The following HS3ST3B1 variants were observed in gnomAD, a reference collection of about 807,000 sequenced individuals.
The protein encoded by HS3ST3B1 is heparan sulfate-glucosamine 3-sulfotransferase 3B1.
In HS3ST3B1, 13 loss-of-function variants were observed where a neutral mutation model predicts 21.3. The ratio of observed to expected loss-of-function variants is 0.61; its 90% CI spans 0.40 to 0.97. HS3ST3B1 has a LOEUF of 0.97. Among genes scored for constraint, HS3ST3B1 ranks in the 50% least tolerant of loss-of-function variants. The probability of loss-of-function intolerance (pLI) is 0.00; values close to 1 mark genes in which losing one functional copy is unlikely to be tolerated. For synonymous variants in HS3ST3B1, 234 were observed against 254.8 expected, an observed-to-expected ratio of 0.92 and a Z score of 0.78; for missense variants, 459 against 554.8, an observed-to-expected ratio of 0.83 and a Z score of 1.73.
At chr17:14,339,837 G>T (rs914702135) in intron 1 of HS3ST3B1, among the ~76,000 whole-genome samples, 1 of 152,174 alleles carries the variant, frequency 6.6e-6, no homozygotes, top group Non-Finnish European at 1.5e-5. Context: ...TCCATGTGAG[G>T]GGGTCTTACC....
chr17:14,337,332 A>ATTTTTTTT (rs35942275), intron 1 of HS3ST3B1, among the ~76,000 whole-genome samples: 1 of 143,434 alleles, frequency 7.0e-6, no homozygotes, highest in Non-Finnish European at 1.5e-5. Flanking sequence ...TCCTGATTGG[A>ATTTTTTTT]TTTTTTTTTT....
intron 1 of HS3ST3B1, among the ~76,000 whole-genome samples, chr17:14,314,989 T>C (rs1310200303): frequency 6.6e-6 from 1 of 152,228 alleles, no homozygotes; most frequent in Non-Finnish European, 1.5e-5. Context: ...GAGGTCTGCT[T>C]AGCTGGCTGC....
Position 14,346,247 on chromosome 17 carries a change from CTTTTTT to C in HS3ST3B1, c.*618_*623del, listed in dbSNP as rs71352467. The C allele has an allele frequency of 0.057, 5,119 of 90,328 alleles. 116 individuals are homozygous for C. Among genetic ancestry groups the C allele is most frequent in the East Asian group, 0.15 (436 of 2,986 alleles). 5.6% of individuals were successfully genotyped at this position (90,328 alleles called of 1,614,324 possible). On this transcript the variant is annotated 3_prime_UTR_variant, in exon 2 of 2. Coordinates refer to ENST00000360954, the MANE Select transcript of HS3ST3B1 (RefSeq NM_006041.3). The stretch of plus-strand genomic sequence containing the variant: ...AGGGACATCCACATCCTTTTTTTTT[CTTTTTT>C]TTTTTTTTTTTTTTTTGAGATGGAG...
At chr17:14,343,389 A>G (rs1186719796) in intron 1 of HS3ST3B1, among the ~76,000 whole-genome samples, 1 of 152,190 alleles carries the variant, frequency 6.6e-6, no homozygotes, top group Non-Finnish European at 1.5e-5. Context: ...ATTATTATTA[A>G]CTGTGGTCAC....
chr17:14,311,332 A>G (rs1470840806), intron 1 of HS3ST3B1, among the ~76,000 whole-genome samples: 1 of 151,710 alleles, frequency 6.6e-6, no homozygotes. Flanking sequence ...GTCCTCCTCA[A>G]CCTCCCAAAG....
At position 14,346,667 on chromosome 17, in the gene HS3ST3B1, A is replaced by G. The variant is rs1043692449; in HGVS notation, c.*1021A>G. 14 of 152,194 alleles carry G rather than the reference A, an allele frequency of 9.2e-5. No individual in the cohort carries two copies. Among genetic ancestry groups the G allele is most frequent in the African/African-American group, 3.1e-4 (13 of 41,430 alleles). 9.4% of individuals were successfully genotyped at this position (152,194 alleles called of 1,614,324 possible). ...TGGTTCATTAACCAGTTTGAAGTGT[A>G]TGTAGATTGTTGCCCCGTCTTTCCC... On this transcript the variant is annotated 3_prime_UTR_variant, in exon 2 of 2. Transcript: ENST00000360954.
chr17:14,312,618 T>C (rs1909341353), intron 1 of HS3ST3B1, among the ~76,000 whole-genome samples: 1 of 152,128 alleles, frequency 6.6e-6, no homozygotes, highest in Non-Finnish European at 1.5e-5. Flanking sequence ...GCCATCCCTG[T>C]AGCCCTTGCC....
chr17:14,337,332 A>ATTTTTTT (rs35942275), intron 1 of HS3ST3B1, among the ~76,000 whole-genome samples: 1 of 143,434 alleles, frequency 7.0e-6, no homozygotes, highest in African/African-American at 2.6e-5. Flanking sequence ...TCCTGATTGG[A>ATTTTTTT]TTTTTTTTTT....
At chr17:14,309,052 G>C (rs1213876755) in intron 1 of HS3ST3B1, among the ~76,000 whole-genome samples, 1 of 152,356 alleles carries the variant, frequency 6.6e-6, no homozygotes, top group Admixed American at 6.5e-5. Context: ...GTCTGCGGAC[G>C]GAAGTGTCCA....
intron 1 of HS3ST3B1, among the ~76,000 whole-genome samples, chr17:14,342,534 A>G (rs1910420939): frequency 1.3e-5 from 2 of 152,192 alleles, no homozygotes; most frequent in African/African-American, 4.8e-5. Flanking sequence ...GTATTGAGCA[A>G]CTTAATAATG....
intron 1 of HS3ST3B1, among the ~76,000 whole-genome samples, chr17:14,308,158 A>C (rs938972133): frequency 7.2e-5 from 11 of 152,148 alleles, no homozygotes; most frequent in African/African-American, 2.7e-4. Context: ...ATCAAATAAA[A>C]CTGATGTTCG....
chr17:14,317,086 G>T (rs1909524230), intron 1 of HS3ST3B1, among the ~76,000 whole-genome samples: 1 of 152,350 alleles, frequency 6.6e-6, no homozygotes, highest in Admixed American at 6.5e-5. Context: ...TGGGTGAATA[G>T]TTTCACACCA....
intron 1 of HS3ST3B1, among the ~76,000 whole-genome samples, chr17:14,309,250 T>C (rs965997220): frequency 6.6e-6 from 1 of 152,190 alleles, no homozygotes; most frequent in African/African-American, 2.4e-5. Flanking sequence ...GATCGCCGCC[T>C]CTGGCCCGGG....
At chr17:14,330,584 T>TGTGTGTGTGTGTG (rs1555549603) in intron 1 of HS3ST3B1, among the ~76,000 whole-genome samples, 2 of 151,114 alleles carry the variant, frequency 1.3e-5, no homozygotes, top group African/African-American at 4.9e-5. Flanking sequence ...TGTGTGTGTG[T>TGTGTGTGTGTGTG]TGCTTGCGGG....
chr17:14,307,208 T>G (rs1909163650), intron 1 of HS3ST3B1, among the ~76,000 whole-genome samples: 1 of 152,162 alleles, frequency 6.6e-6, no homozygotes, highest in Non-Finnish European at 1.5e-5. Context: ...TTAAAAATAT[T>G]TATCAAAATA....
rs200811372 is a variant in HS3ST3B1 at position 14,301,846 on chromosome 17, A to G, written c.328A>G (p.Ser110Gly). The change falls in exon 1 of 2, where the codon AGC (serine) becomes GGC (glycine). Residue 110 changes from serine to glycine, a missense_variant. Ser to Gly is a moderately conservative substitution (Grantham distance 56). This residue lies in a region of HS3ST3B1 where 317 missense variants were observed against 278.6 expected (regional missense o/e 1.14). Coordinates refer to ENST00000360954, the MANE Select transcript of HS3ST3B1 (RefSeq NM_006041.3). ...CAAGGAGATGGCCGAGGGCGCTGCGAGCCCGGAGGAGCAGAGTCCCGAGGT... is the reference window on the plus strand; with the variant it reads ...CAAGGAGATGGCCGAGGGCGCTGCGGGCCCGGAGGAGCAGAGTCCCGAGGT... ...SGKEMAEGAASPEEQSPEVPD... is the reference protein window; with the variant it reads ...SGKEMAEGAAGPEEQSPEVPD... 5.8e-5 allele frequency: 93 copies of G among 1,591,134 alleles called. No homozygotes were observed. In the African/African-American group the frequency reaches 1.2e-3, roughly 20 times the overall value.
intron 1 of HS3ST3B1, among the ~76,000 whole-genome samples, chr17:14,314,995 G>A (rs954673720): frequency 3.3e-5 from 5 of 152,298 alleles, no homozygotes; most frequent in Middle Eastern, 3.4e-3. Context: ...TGCTTAGCTG[G>A]CTGCCAATTA....
At chr17:14,343,843 G>T (rs190946905) in intron 1 of HS3ST3B1, among the ~76,000 whole-genome samples, 1 of 151,584 alleles carries the variant, frequency 6.6e-6, no homozygotes, top group Non-Finnish European at 1.5e-5. Flanking sequence ...TTCAATTCCT[G>T]TGTATATCTA....
intron 1 of HS3ST3B1, among the ~76,000 whole-genome samples, chr17:14,319,499 G>A (rs983783737): frequency 3.3e-5 from 5 of 152,066 alleles, no homozygotes; most frequent in East Asian, 1.9e-4. Context: ...TTTTCGTTTC[G>A]TTTCTTAGAA....
Sources: allele counts gnomAD v4.1 joint callset (sites outside exome capture counted in the v4.1 genomes callset), GRCh38; gene constraint gnomAD v4.1.1; regional missense constraint gnomAD v4.1.1; transcripts MANE v1.5; gene names NCBI Gene and HGNC (gene_info 2026-07-23, HGNC 2026-07-21).